Variants in LSAMP observed in about 807,000 individuals in gnomAD.
LSAMP encodes the protein limbic system-associated membrane protein.
A neutral mutation model predicts 38.6 loss-of-function variants in LSAMP; 7 were observed. The ratio of observed to expected loss-of-function variants is 0.18; its 90% CI spans 0.10 to 0.34. The LOEUF is 0.34. Among genes scored for constraint, LSAMP ranks in the 10% least tolerant of loss-of-function variants. LSAMP has a pLI of 1.00. For missense variants in LSAMP, 313 were observed against 420.0 expected, an observed-to-expected ratio of 0.75 and a Z score of 2.23; for synonymous variants, 154 against 166.8, an observed-to-expected ratio of 0.92 and a Z score of 0.59.
In LSAMP at chr3:116,129,316, C is replaced by T. The variant is rs549359012; in HGVS notation, c.156-42760G>A. Among the ~76,000 whole-genome samples the T allele has an allele frequency of 7.2e-5, 11 of 152,234 alleles. No individual in the cohort carries two copies. The South Asian group carries it at 2.3e-3, about 32-fold the overall frequency. ...TAAACATAAGAATGGCACTGCATTG[C>T]ACTTCATAGAACATCCTCGGGCCAA... On this transcript the variant is annotated intron_variant, in intron 1 of 6. Coordinates refer to ENST00000490035, the MANE Select transcript of LSAMP (RefSeq NM_002338.5).
chr3:116,387,134 G>T (rs561047783), intron 1 of LSAMP, among the ~76,000 whole-genome samples: 1 of 151,992 alleles, frequency 6.6e-6, no homozygotes, highest in South Asian at 2.1e-4. Context: ...AACTAAAAAA[G>T]GTTTCTAATA....
chr3:116,147,625 C>A (rs1236645326), intron 1 of LSAMP, among the ~76,000 whole-genome samples: 2 of 151,858 alleles, frequency 1.3e-5, no homozygotes, highest in African/African-American at 2.4e-5. Flanking sequence ...ATGGTTAGAA[C>A]ATCCAACTCC....
intron 1 of LSAMP, among the ~76,000 whole-genome samples, chr3:116,123,982 T>C (rs749806921): frequency 6.6e-6 from 1 of 152,186 alleles, no homozygotes; most frequent in Admixed American, 6.5e-5. Context: ...ACTCAGGAAC[T>C]ATAAGAGTAT....
intron 1 of LSAMP, among the ~76,000 whole-genome samples, chr3:116,407,560 T>A (rs1285927185): frequency 6.6e-6 from 1 of 152,052 alleles, no homozygotes; most frequent in Non-Finnish European, 1.5e-5. Flanking sequence ...GGTCTAAGTA[T>A]AGCCTGAGGA....
intron 1 of LSAMP, among the ~76,000 whole-genome samples, chr3:116,294,735 G>A (rs1471454422): frequency 6.6e-6 from 1 of 152,148 alleles, no homozygotes; most frequent in African/African-American, 2.4e-5. Flanking sequence ...AATATTTGAT[G>A]TGGGATATTT....
intron 1 of LSAMP, among the ~76,000 whole-genome samples, chr3:116,135,085 T>C (rs1426530768): frequency 3.3e-5 from 5 of 152,184 alleles, no homozygotes; most frequent in African/African-American, 1.2e-4. Flanking sequence ...TGCATTATTA[T>C]GTTCATAACC....
chr3:116,356,145 C>A (rs778808023), intron 1 of LSAMP, among the ~76,000 whole-genome samples: 1 of 152,152 alleles, frequency 6.6e-6, no homozygotes, highest in Non-Finnish European at 1.5e-5. Context: ...TTTATTACAG[C>A]GCTATTCACA....
intron 1 of LSAMP, among the ~76,000 whole-genome samples, chr3:116,210,063 T>C (rs1377152857): frequency 1.3e-5 from 2 of 152,174 alleles, no homozygotes; most frequent in African/African-American, 4.8e-5. Flanking sequence ...CGAGATTTTA[T>C]ATTTTTTTAA....
At chr3:116,068,746 A>G (rs1251348429) in intron 2 of LSAMP, among the ~76,000 whole-genome samples, 2 of 152,234 alleles carry the variant, frequency 1.3e-5, no homozygotes, top group Non-Finnish European at 2.9e-5. Context: ...GTGAACTTGA[A>G]TGTTAATGTT....
intron 3 of LSAMP, among the ~76,000 whole-genome samples, chr3:115,880,787 T>G (rs2107429324): frequency 6.6e-6 from 1 of 152,226 alleles, no homozygotes; most frequent in South Asian, 2.1e-4. Context: ...ATCCCAGCAC[T>G]TTGGGAGGCT....
At chr3:116,164,762 T>TATA (rs71999509) in intron 1 of LSAMP, among the ~76,000 whole-genome samples, 1,050 of 36,110 alleles carry the variant, frequency 0.029, 56 homozygotes, top group African/African-American at 0.11. Context: ...ATATATATAT[T>TATA]TTTTTTTTTT....
At chr3:115,972,929 G>T (rs972761714) in intron 3 of LSAMP, among the ~76,000 whole-genome samples, 2 of 150,754 alleles carry the variant, frequency 1.3e-5, no homozygotes, top group African/African-American at 4.9e-5. Flanking sequence ...ATTTTCTGCT[G>T]GGACAATCAA....
intron 1 of LSAMP, among the ~76,000 whole-genome samples, chr3:116,254,797 G>A (rs1386897806): frequency 6.6e-6 from 1 of 152,136 alleles, no homozygotes; most frequent in Non-Finnish European, 1.5e-5. Flanking sequence ...GCTCAACAAT[G>A]TATTTTTCCA....
At position 116,136,321 on chromosome 3, in the gene LSAMP, G is replaced by A. The variant is rs552031603; in HGVS notation, c.156-49765C>T. 2.0e-5 allele frequency among the ~76,000 whole-genome samples: 3 copies of A among 151,914 alleles called. No individual in the cohort carries two copies. In the East Asian group the frequency reaches 5.8e-4, roughly 29 times the overall value. On this transcript the variant is annotated intron_variant, in intron 1 of 6. Coordinates refer to ENST00000490035, the MANE Select transcript of LSAMP (RefSeq NM_002338.5). The stretch of plus-strand genomic sequence containing the variant: ...GCAGCAGAGGCTTCCTAGAAGATAA[G>A]AGTGTGCTTTTAAACCTCATCTCTC...
Position 116,359,297 on chromosome 3 carries a change from T to C in LSAMP, c.155+85580A>G, listed in dbSNP as rs115105346. On this transcript the variant is annotated intron_variant, in intron 1 of 6. Coordinates refer to ENST00000490035, the MANE Select transcript of LSAMP (RefSeq NM_002338.5). ...GAAAAAATATAAGTTTTGTATGTGATACCAACTCAAAAAGTGTTCAAATAA... is the reference window on the plus strand; with the variant it reads ...GAAAAAATATAAGTTTTGTATGTGACACCAACTCAAAAAGTGTTCAAATAA... Among the ~76,000 whole-genome samples the C allele has an allele frequency of 4.3e-3, 657 of 152,320 alleles. 6 individuals carry two copies. Among genetic ancestry groups the C allele is most frequent in the African/African-American group, 0.015 (623 of 41,580 alleles).
chr3:116,283,439 A>G (rs764803191), intron 1 of LSAMP, among the ~76,000 whole-genome samples: 4 of 152,194 alleles, frequency 2.6e-5, no homozygotes, highest in African/African-American at 4.8e-5. Context: ...GAGATAGAGG[A>G]AAAAACTATT....
chr3:116,017,532 T>G (rs1371230647), intron 3 of LSAMP, among the ~76,000 whole-genome samples: 2 of 152,108 alleles, frequency 1.3e-5, no homozygotes, highest in African/African-American at 4.8e-5. Flanking sequence ...GAAATGGACT[T>G]GATCCCATAA....
At chr3:116,220,530 T>C (rs964635709) in intron 1 of LSAMP, among the ~76,000 whole-genome samples, 3 of 152,130 alleles carry the variant, frequency 2.0e-5, no homozygotes, top group Admixed American at 6.5e-5. Flanking sequence ...AAAGTGACTA[T>C]TGGGACTTAG....
chr3:115,842,367 C>A (rs2107505075), intron 5 of LSAMP, 91 bp downstream of exon 5: 1 of 1,480,320 alleles, frequency 6.8e-7, no homozygotes, highest in South Asian at 1.3e-5. Context: ...TACATAATTA[C>A]AACTGGCTTG....
Sources: gnomAD v4.1 joint callset for allele counts (sites outside exome capture counted in the v4.1 genomes callset) on GRCh38, gnomAD v4.1.1 for gene constraint, MANE v1.5 for transcripts, NCBI Gene and HGNC (gene_info 2026-07-23, HGNC 2026-07-21) for gene names.